STPG2: variants seen among roughly 807,000 people sequenced by gnomAD.
STPG2 encodes the protein sperm tail PG-rich repeat containing 2.
In STPG2, 56 loss-of-function variants were observed where a neutral mutation model predicts 54.2. The ratio of observed to expected loss-of-function variants is 1.03; its 90% CI spans 0.83 to 1.29. The LOEUF (loss-of-function observed/expected upper bound fraction) is 1.29. STPG2 is among the 50% of genes most tolerant of loss of function. The probability of loss-of-function intolerance (pLI) is 0.00; values close to 1 mark genes in which losing one functional copy is unlikely to be tolerated. For synonymous variants in STPG2, 200 were observed against 181.8 expected (o/e 1.10, Z -0.81); for missense variants, 596 against 544.9 (o/e 1.09, Z -0.93).
intron 10 of STPG2, among the ~76,000 whole-genome samples, chr4:97,679,120 T>C (rs1181932117): frequency 6.6e-6 from 1 of 152,166 alleles, no homozygotes; most frequent in African/African-American, 2.4e-5. Flanking sequence ...GCATGATTTA[T>C]AGTCCTTTGG....
chr4:97,886,573 G>GT (rs1730577688), intron 8 of STPG2, among the ~76,000 whole-genome samples: 1 of 152,158 alleles, frequency 6.6e-6, no homozygotes, highest in Non-Finnish European at 1.5e-5. Flanking sequence ...ACCTGTAAAC[G>GT]TATGTTTCTG....
chr4:97,987,964 C>G (rs992792680), intron 5 of STPG2, among the ~76,000 whole-genome samples: 5 of 151,822 alleles, frequency 3.3e-5, no homozygotes, highest in Admixed American at 6.6e-5. Context: ...CTCCGCTTCT[C>G]AAACCCACCC....
intron 9 of STPG2, among the ~76,000 whole-genome samples, chr4:97,790,858 C>T (rs1726969009): frequency 6.6e-6 from 1 of 152,084 alleles, no homozygotes; most frequent in Non-Finnish European, 1.5e-5. Context: ...AAACCCTTTG[C>T]CACATAACAT....
chr4:97,988,765 C>CCGG (rs1734904372), intron 5 of STPG2, among the ~76,000 whole-genome samples: 1 of 152,090 alleles, frequency 6.6e-6, no homozygotes, highest in African/African-American at 2.4e-5. Context: ...GCCACCAGGC[C>CCGG]CGGCTAACTT....
intron 10 of STPG2, among the ~76,000 whole-genome samples, chr4:97,671,647 C>T (rs866537837): frequency 1.3e-5 from 2 of 152,260 alleles, no homozygotes; most frequent in South Asian, 2.1e-4. Flanking sequence ...ATTGAGTACC[C>T]TTTTAGTGTC....
intron 1 of STPG2, among the ~76,000 whole-genome samples, chr4:98,138,899 C>A (rs1001642559): frequency 6.6e-6 from 1 of 152,066 alleles, no homozygotes; most frequent in Admixed American, 6.5e-5. Flanking sequence ...TGATATACAG[C>A]TGATATTTAT....
chr4:98,050,691 G>A (rs1352629779), intron 5 of STPG2, among the ~76,000 whole-genome samples: 1 of 152,134 alleles, frequency 6.6e-6, no homozygotes, highest in Non-Finnish European at 1.5e-5. Context: ...TAATAAAAGA[G>A]AAAAATCATA....
intron 4 of STPG2, among the ~76,000 whole-genome samples, chr4:97,467,972 G>C (rs1022482333): frequency 1.3e-5 from 2 of 151,540 alleles, no homozygotes; most frequent in African/African-American, 4.8e-5. Flanking sequence ...ATCTCTAAGA[G>C]AGTAAGTTGA....
At chr4:98,043,907 C>T (rs1534318) in intron 5 of STPG2, among the ~76,000 whole-genome samples, 59,184 of 151,690 alleles carry the variant, frequency 0.39, 11,756 homozygotes, top group Middle Eastern at 0.46. Context: ...ATTTTTTCTG[C>T]TCCTCTCCCT....
chr4:97,772,514 A>G (rs1726251479), intron 9 of STPG2, among the ~76,000 whole-genome samples: 1 of 152,192 alleles, frequency 6.6e-6, no homozygotes, highest in Non-Finnish European at 1.5e-5. Flanking sequence ...ATAAAGGCTT[A>G]TCAAAATTTA....
At chr4:97,927,006 G>C (rs1732354936) in intron 8 of STPG2, among the ~76,000 whole-genome samples, 1 of 152,004 alleles carries the variant, frequency 6.6e-6, no homozygotes, top group Admixed American at 6.6e-5. Context: ...TTACTTAATA[G>C]TTAAGGAAAC....
At chr4:97,761,641 A>G (rs936083352) in intron 9 of STPG2, among the ~76,000 whole-genome samples, 3 of 152,172 alleles carry the variant, frequency 2.0e-5, no homozygotes, top group African/African-American at 7.2e-5. Context: ...TGAGGATTAG[A>G]ACATGGATAT....
At chr4:97,666,615 T>C (rs1467966708) in intron 10 of STPG2, among the ~76,000 whole-genome samples, 9 of 152,210 alleles carry the variant, frequency 5.9e-5, no homozygotes, top group African/African-American at 1.7e-4. Flanking sequence ...CTCAAACTGT[T>C]GTTTACAAAA....
chr4:97,506,821 C>G (rs909779113), intron 4 of STPG2, among the ~76,000 whole-genome samples: 2 of 151,592 alleles, frequency 1.3e-5, no homozygotes, highest in Non-Finnish European at 2.9e-5. Flanking sequence ...TTAAAAAAAA[C>G]TTGACCATTT....
intron 5 of STPG2, among the ~76,000 whole-genome samples, chr4:97,984,066 G>C (rs961636309): frequency 2.9e-4 from 13 of 44,186 alleles, no homozygotes; most frequent in Admixed American, 7.7e-4. Context: ...GCTCAAACTT[G>C]TGATATTCTA....
intron 7 of STPG2, among the ~76,000 whole-genome samples, chr4:97,970,817 A>T (rs1296111113): frequency 6.6e-6 from 1 of 152,250 alleles, no homozygotes; most frequent in Non-Finnish European, 1.5e-5. Context: ...AATGGGATCT[A>T]ATTAAACTAA....
At chr4:97,907,567 C>T (rs1731488140) in intron 8 of STPG2, among the ~76,000 whole-genome samples, 1 of 152,024 alleles carries the variant, frequency 6.6e-6, no homozygotes, top group Non-Finnish European at 1.5e-5. Flanking sequence ...CAAGTCAATC[C>T]TAAGCCAAAA....
intron 8 of STPG2, among the ~76,000 whole-genome samples, chr4:97,930,952 G>GCACA (rs1732523382): frequency 6.6e-6 from 1 of 152,136 alleles, no homozygotes; most frequent in African/African-American, 2.4e-5. Context: ...TGGCCTTTGT[G>GCACA]AATGAGTTCA....
chr4:97,869,145 C>G (rs1729891182), intron 8 of STPG2, among the ~76,000 whole-genome samples: 1 of 151,740 alleles, frequency 6.6e-6, no homozygotes, highest in Non-Finnish European at 1.5e-5. Flanking sequence ...AAAAGTGTTA[C>G]TAAGTCCTCA....
Sources: gnomAD v4.1 joint callset for allele counts (sites outside exome capture counted in the v4.1 genomes callset) on GRCh38, gnomAD v4.1.1 for gene constraint, MANE v1.5 for transcripts, NCBI Gene and HGNC (gene_info 2026-07-23, HGNC 2026-07-21) for gene names.